The following RMST variants were observed in gnomAD, a reference collection of about 807,000 sequenced individuals.
RMST encodes the protein rhabdomyosarcoma 2 associated transcript.
chr12:97,475,728 T>C (rs1311579464), intron 5 of RMST, among the ~76,000 whole-genome samples: 1 of 151,952 alleles, frequency 6.6e-6, no homozygotes, highest in African/African-American at 2.4e-5. Flanking sequence ...AGAACACACA[T>C]AGTTGTTAAG....
chr12:97,505,412 A>G (rs1878560253), intron 10 of RMST, among the ~76,000 whole-genome samples: 1 of 152,230 alleles, frequency 6.6e-6, no homozygotes, highest in African/African-American at 2.4e-5. Context: ...CTTGCATGGT[A>G]GCACACTAGC....
intron 13 of RMST, chr12:97,564,019 G>T: frequency 2.7e-6 from 1 of 366,818 alleles, no homozygotes. Context: ...GTGTTCCTTT[G>T]AGTTTCTTTA....
intron 10 of RMST, among the ~76,000 whole-genome samples, chr12:97,526,012 G>T (rs1351592987): frequency 4.0e-5 from 6 of 151,816 alleles, no homozygotes; most frequent in Non-Finnish European, 2.9e-5. Context: ...ATCTGTCACT[G>T]TCCCCATCAC....
Position 97,554,580 on chromosome 12 carries a change from T to C in RMST, n.1546-5957T>C, listed in dbSNP as rs188885312. ...ACCCAAAAGGTGAAAATTTTGAAGA[T>C]TCACAAAATGTTATTACTCATATCT... On this transcript the variant is annotated intron_variant and non_coding_transcript_variant, in intron 11 of 13. Coordinates refer to ENST00000640149, the Ensembl canonical transcript of RMST. 3.3e-4 allele frequency among the ~76,000 whole-genome samples: 50 copies of C among 152,254 alleles called. No individual in the cohort carries two copies. In the East Asian group the frequency reaches 7.1e-3, roughly 22 times the overall value.
chr12:97,523,498 A>G (rs911865426), intron 10 of RMST, among the ~76,000 whole-genome samples: 1 of 152,238 alleles, frequency 6.6e-6, no homozygotes, highest in Non-Finnish European at 1.5e-5. Flanking sequence ...CAAAGAAATG[A>G]CAGAGGTATG....
At chr12:97,496,390 A>G (rs1052507198) in intron 10 of RMST, among the ~76,000 whole-genome samples, 1 of 150,952 alleles carries the variant, frequency 6.6e-6, no homozygotes, top group Non-Finnish European at 1.5e-5. Context: ...TAAAAATTAA[A>G]TATCTGGGGT....
chr12:97,538,507 T>A (rs1844727721), intron 11 of RMST, among the ~76,000 whole-genome samples: 1 of 151,232 alleles, frequency 6.6e-6, no homozygotes, highest in Non-Finnish European at 1.5e-5. Flanking sequence ...AGTGAAGAAA[T>A]AATGGACCCA....
At chr12:97,562,397 A>C (rs1884182424) in intron 13 of RMST, among the ~76,000 whole-genome samples, 1 of 152,068 alleles carries the variant, frequency 6.6e-6, no homozygotes, top group Non-Finnish European at 1.5e-5. Context: ...TTTCAAAGGG[A>C]AAATGGTAGG....
intron 5 of RMST, among the ~76,000 whole-genome samples, chr12:97,479,284 T>C (rs10777869): frequency 0.75 from 112,992 of 151,486 alleles, 42,641 homozygotes; most frequent in Middle Eastern, 0.86. Flanking sequence ...GGACTACAGG[T>C]GCACACACCA....
intron 10 of RMST, among the ~76,000 whole-genome samples, chr12:97,524,747 T>G (rs1880918202): frequency 6.6e-6 from 1 of 152,198 alleles, no homozygotes; most frequent in Admixed American, 6.5e-5. Context: ...GGAGCTGAAC[T>G]TTTTAAAAGT....
chr12:97,546,673 C>G (rs542395000), intron 11 of RMST, among the ~76,000 whole-genome samples: 1 of 152,008 alleles, frequency 6.6e-6, no homozygotes, highest in Non-Finnish European at 1.5e-5. Context: ...AAAAAAAATT[C>G]TTAATTGACA....
intron 5 of RMST, among the ~76,000 whole-genome samples, chr12:97,475,588 T>TTTG (rs1555229367): frequency 1.8e-5 from 1 of 56,332 alleles, no homozygotes; most frequent in African/African-American, 8.2e-5. Flanking sequence ...TTTTTTTTTG[T>TTTG]TTTTTTTTTT....
chr12:97,557,929 A>G (rs1041254514), intron 11 of RMST, among the ~76,000 whole-genome samples: 19 of 152,192 alleles, frequency 1.2e-4, no homozygotes, highest in African/African-American at 3.9e-4. Context: ...AGGCACAACT[A>G]TCTTCGACTT....
intron 10 of RMST, among the ~76,000 whole-genome samples, chr12:97,502,730 C>T (rs1472387482): frequency 6.6e-6 from 1 of 152,194 alleles, no homozygotes; most frequent in East Asian, 1.9e-4. Flanking sequence ...TCCCACAGTG[C>T]TGGGATTCCC....
chr12:97,484,133 G>C (rs1309600668), intron 5 of RMST, among the ~76,000 whole-genome samples: 1 of 152,108 alleles, frequency 6.6e-6, no homozygotes, highest in African/African-American at 2.4e-5. Context: ...ATGAATGATT[G>C]TTGATGGCGT....
chr12:97,520,077 A>G (rs1197957539), intron 10 of RMST, among the ~76,000 whole-genome samples: 4 of 152,160 alleles, frequency 2.6e-5, no homozygotes, highest in Non-Finnish European at 5.9e-5. Context: ...CCTTGGAAAA[A>G]TGGAGGTGAT....
chr12:97,538,921 T>C (rs1282908740), intron 11 of RMST, among the ~76,000 whole-genome samples: 4 of 151,396 alleles, frequency 2.6e-5, no homozygotes, highest in African/African-American at 4.8e-5. Context: ...GGTACAGAAA[T>C]GTTGACATAC....
chr12:97,563,189 A>G (rs1180336675), intron 13 of RMST: 1 of 152,660 alleles, frequency 6.6e-6, no homozygotes, highest in African/African-American at 2.4e-5. Context: ...AGTGCATAGT[A>G]TTGTTTCTGG....
Position 97,522,246 on chromosome 12 carries a change from G to A in RMST, n.1341-8409G>A, listed in dbSNP as rs189392318. Among the ~76,000 whole-genome samples the A allele has an allele frequency of 1.3e-5, 2 of 152,276 alleles. 1 individual carries two copies. Among genetic ancestry groups the A allele is most frequent in the Admixed American group, 1.3e-4 (2 of 15,298 alleles). ...TAAAAGATGTTAAATTGCTCCATGT[G>A]CATTTCCTTGTATTCATCAATTCTG... is the stretch of plus-strand genomic sequence containing the variant. On this transcript the variant is annotated intron_variant and non_coding_transcript_variant, in intron 10 of 13. Transcript: ENST00000640149.
Sources: allele counts gnomAD v4.1 joint callset (sites outside exome capture counted in the v4.1 genomes callset), GRCh38; gene constraint gnomAD v4.1.1; transcripts MANE v1.5; gene names NCBI Gene and HGNC (gene_info 2026-07-23, HGNC 2026-07-21).